AFF2: variants seen among roughly 807,000 people sequenced by gnomAD.
AFF2 encodes ALF transcription elongation factor 2.
In AFF2, 14 loss-of-function variants were observed where a neutral mutation model predicts 76.9. The ratio of observed to expected loss-of-function variants is 0.18; its 90% CI spans 0.12 to 0.28. AFF2 has a LOEUF of 0.28. Among genes scored for constraint, AFF2 ranks in the 10% least tolerant of loss-of-function variants. The pLI is 1.00. For synonymous variants in AFF2, 398 were observed against 366.7 expected (o/e 1.09, Z -0.98); for missense variants, 868 against 1,001.1 (o/e 0.87, Z 1.79).
At chrX:148,978,099 C>G (rs782170384) in intron 17 of AFF2, 95 bp downstream of exon 17, 2 of 618,543 alleles carry the variant, frequency 3.2e-6, no homozygotes, top group African/African-American at 4.5e-5. Flanking sequence ...CAGATCATTA[C>G]TCTTGTTTTC....
At chrX:148,915,811 G>A (rs1803084493) in intron 9 of AFF2, among the ~76,000 whole-genome samples, 2 of 112,327 alleles carry the variant, frequency 1.8e-5, no homozygotes, top group Non-Finnish European at 3.8e-5. Context: ...ATATGTGGAT[G>A]TGTATATACA....
intron 1 of AFF2, among the ~76,000 whole-genome samples, chrX:148,540,508 G>A (rs978537095): frequency 6.5e-5 from 7 of 108,481 alleles, no homozygotes; most frequent in African/African-American, 1.4e-4. Flanking sequence ...CAGTATAGTC[G>A]CAGATGCTAA....
At chrX:148,546,488 T>C (rs1342466741) in intron 1 of AFF2, among the ~76,000 whole-genome samples, 3 of 112,488 alleles carry the variant, frequency 2.7e-5, no homozygotes, top group Admixed American at 9.4e-5. Flanking sequence ...GTGACTGTCA[T>C]ATGCTTTCTT....
At chrX:148,876,293 A>G (rs902238298) in intron 7 of AFF2, among the ~76,000 whole-genome samples, 1 of 112,237 alleles carries the variant, frequency 8.9e-6, no homozygotes, top group African/African-American at 3.2e-5. Context: ...TGACACAGAT[A>G]GTCAGAGTTT....
At chrX:148,638,308 A>G (rs781886888) in intron 1 of AFF2, among the ~76,000 whole-genome samples, 4 of 111,355 alleles carry the variant, frequency 3.6e-5, no homozygotes, top group Middle Eastern at 4.7e-3. Context: ...GAAAGTTACA[A>G]TCATGGTGGA....
chrX:148,681,149 G>A (rs782412676), intron 3 of AFF2, among the ~76,000 whole-genome samples: 4 of 111,502 alleles, frequency 3.6e-5, no homozygotes, highest in Admixed American at 2.9e-4. Flanking sequence ...AGCCTTCAGA[G>A]TCTCAATTTC....
intron 3 of AFF2, among the ~76,000 whole-genome samples, chrX:148,671,658 G>A (rs188134980): frequency 8.4e-4 from 94 of 111,595 alleles, no homozygotes; most frequent in Non-Finnish European, 1.4e-3. Context: ...AGCCCTGCCG[G>A]CACACATTCA....
rs145350129 is a variant in AFF2, at chrX:148,949,425, G to A, written c.1398-4155G>A. On this transcript the variant is annotated intron_variant, in intron 9 of 20. Transcript: ENST00000370460. Reference sequence around the variant, plus strand: ...TCTCCCACTGGCCTACTCTCTGATCGCCTTCCCCAGCTTTGGATTCCCCCA... The same window carrying A: ...TCTCCCACTGGCCTACTCTCTGATCACCTTCCCCAGCTTTGGATTCCCCCA... Among the ~76,000 whole-genome samples the A allele has an allele frequency of 9.2e-3, 1,021 of 111,340 alleles. 15 individuals carry two copies. The highest frequency in any genetic ancestry group is 0.032 in the African/African-American group (980 of 30,553).
intron 3 of AFF2, among the ~76,000 whole-genome samples, chrX:148,761,347 A>G (rs1381275868): frequency 9.0e-6 from 1 of 111,038 alleles, no homozygotes; most frequent in African/African-American, 3.3e-5. Context: ...GTTGGGGGGA[A>G]AAGTCACTGT....
chrX:148,547,232 AGTGGCTCTG>A (rs1557238283), intron 1 of AFF2: 2 of 99,536 alleles, frequency 2.0e-5, no homozygotes, highest in Non-Finnish European at 4.1e-5. Flanking sequence ...AAGGGTCCAG[AGTGGCTCTG>A]AGGTTCATTT....
intron 1 of AFF2, among the ~76,000 whole-genome samples, chrX:148,528,955 A>T (rs781862020): frequency 3.3e-4 from 37 of 111,486 alleles, no homozygotes; most frequent in Middle Eastern, 4.2e-3. Context: ...TTTTGATTTA[A>T]TGCGGATAAG....
intron 7 of AFF2, among the ~76,000 whole-genome samples, chrX:148,879,474 A>G (rs1410909463): frequency 9.8e-5 from 11 of 112,118 alleles, no homozygotes; most frequent in Non-Finnish European, 7.5e-5. Context: ...GTAAGGTTTC[A>G]TTTGGCTACA....
At chrX:148,709,153 A>G in intron 3 of AFF2, among the ~76,000 whole-genome samples, 1 of 111,706 alleles carries the variant, frequency 9.0e-6, no homozygotes, top group Non-Finnish European at 1.9e-5. Flanking sequence ...CTGCTGTACA[A>G]TCTGGCATTC....
At chrX:148,892,562 G>A (rs890386734) in intron 8 of AFF2, among the ~76,000 whole-genome samples, 4 of 111,141 alleles carry the variant, frequency 3.6e-5, no homozygotes, top group Non-Finnish European at 5.7e-5. Flanking sequence ...CAAACATTCT[G>A]TCAGCTTTGG....
chrX:148,900,594 C>T (rs1373981965), intron 8 of AFF2, among the ~76,000 whole-genome samples: 1 of 111,179 alleles, frequency 9.0e-6, no homozygotes, highest in Non-Finnish European at 1.9e-5. Flanking sequence ...AGGGCTTCCC[C>T]ATCCTCAGGG....
intron 5 of AFF2, among the ~76,000 whole-genome samples, chrX:148,842,665 CA>C (rs1170142576): frequency 8.9e-6 from 1 of 111,935 alleles, no homozygotes; most frequent in Non-Finnish European, 1.9e-5. Flanking sequence ...CATTTGTTCC[CA>C]TGTTACACAC....
chrX:148,994,732 T>A lies in AFF2; in HGVS notation c.*3400T>A, dbSNP rs1270471545. On this transcript the variant is annotated 3_prime_UTR_variant, in exon 21 of 21. Transcript: ENST00000370460. ...TGGAAAGATACTCTTCTAGCATATC[T>A]TTCCCAAAGATATCTAATTTGGATT... 1 of 112,586 alleles carries A rather than the reference T, an allele frequency of 8.9e-6. No individual in the cohort carries two copies. Among genetic ancestry groups the A allele is most frequent in the Non-Finnish European group, 1.9e-5 (1 of 53,353 alleles). The allele number at this position is 112,586 out of a possible 1,213,427, so 9.3% of individuals were successfully genotyped here.
intron 1 of AFF2, among the ~76,000 whole-genome samples, chrX:148,536,270 T>C (rs898009753): frequency 9.0e-6 from 1 of 110,699 alleles, no homozygotes; most frequent in Non-Finnish European, 1.9e-5. Context: ...ACTTTATTCA[T>C]CTTCCCCAGA....
intron 3 of AFF2, among the ~76,000 whole-genome samples, chrX:148,764,901 C>T: frequency 8.9e-6 from 1 of 112,351 alleles, no homozygotes; most frequent in Non-Finnish European, 1.9e-5. Flanking sequence ...CTAGAATCAA[C>T]CCCTTGACTG....
Sources: allele counts gnomAD v4.1 joint callset (sites outside exome capture counted in the v4.1 genomes callset), GRCh38; gene constraint gnomAD v4.1.1; transcripts MANE v1.5; gene names NCBI Gene and HGNC (gene_info 2026-07-23, HGNC 2026-07-21).